TFAP2B: variants seen among roughly 807,000 people sequenced by gnomAD.
The protein encoded by TFAP2B is transcription factor AP-2 beta.
A neutral mutation model predicts 44.3 loss-of-function variants in TFAP2B; 9 were observed. The observed-to-expected ratio is 0.20, with a 90% confidence interval of 0.12 to 0.35. The LOEUF (loss-of-function observed/expected upper bound fraction) is 0.35. Ranked by LOEUF, TFAP2B falls within the 10% of genes least tolerant of loss-of-function variation. The probability of loss-of-function intolerance (pLI) is 1.00; values close to 1 mark genes in which losing one functional copy is unlikely to be tolerated. For synonymous variants in TFAP2B, 270 were observed against 263.8 expected (o/e 1.02, Z -0.23); for missense variants, 509 against 600.0 (o/e 0.85, Z 1.59).
intron 3 of TFAP2B, among the ~76,000 whole-genome samples, chr6:50,828,930 T>A (rs567725762): frequency 3.3e-5 from 5 of 152,318 alleles, no homozygotes; most frequent in African/African-American, 1.2e-4. Flanking sequence ...CATGGCATAT[T>A]TGGTAGCCAT....
upstream of TFAP2B, chr6:50,818,601 A>G (rs1770237976): frequency 7.9e-6 from 3 of 378,048 alleles, no homozygotes; most frequent in Non-Finnish European, 1.5e-5. Context: ...GAGTCTGCAG[A>G]CTGTGTGACC....
At chr6:50,828,573 C>A (rs760011349) in intron 2 of TFAP2B, 46 bp from the exon 3 acceptor site, 18 of 1,548,852 alleles carry the variant, frequency 1.2e-5, no homozygotes, top group Non-Finnish European at 1.6e-5. Context: ...GTGTGCAATT[C>A]TTTAATATCC....
chr6:50,836,091 T>A lies in TFAP2B; in HGVS notation c.632T>A (p.Leu211Gln), dbSNP rs745619003. ...VPVPPKSVTSLMMNKDGFLGG... is the reference protein window; with the variant it reads ...VPVPPKSVTSQMMNKDGFLGG... ...GTTCCTCCCAAATCGGTGACTTCTCTAATGATGAATAAAGACGGCTTCCTG... is the reference window on the plus strand; with the variant it reads ...GTTCCTCCCAAATCGGTGACTTCTCAAATGATGAATAAAGACGGCTTCCTG... Residue 211 changes from leucine to glutamine, a missense_variant, in exon 4 of 7, where the codon CTA (leucine) becomes CAA (glutamine). Physicochemically the swap from Leu to Gln is moderately radical, Grantham distance 113. Around this residue, in one of 3 missense-constraint regions of TFAP2B, gnomAD observed 296 missense variants for 308.2 expected, o/e 0.96. Coordinates refer to ENST00000393655, the MANE Select transcript of TFAP2B (RefSeq NM_003221.4). 8.1e-6 allele frequency: 13 copies of A among 1,614,048 alleles called. 1 individual carries two copies. The South Asian group carries it at 1.3e-4, about 16-fold the overall frequency.
chr6:50,829,713 C>A (rs749950328), intron 3 of TFAP2B, among the ~76,000 whole-genome samples: 2 of 152,150 alleles, frequency 1.3e-5, no homozygotes, highest in Non-Finnish European at 2.9e-5. Context: ...AGAAAAAATT[C>A]TTTGGGAAGT....
intron 1 of TFAP2B, among the ~76,000 whole-genome samples, chr6:50,819,854 A>C (rs371202974): frequency 0.011 from 1,308 of 113,920 alleles, 14 homozygotes; most frequent in African/African-American, 0.041. Flanking sequence ...GCGAGGTGGG[A>C]GAGGCGGGCG....
chr6:50,836,037 T>C, intron 3 of TFAP2B, 24 bp from the exon 4 acceptor site: 11 of 1,599,622 alleles, frequency 6.9e-6, no homozygotes, highest in Non-Finnish European at 9.4e-6. Context: ...GTCACCTTTA[T>C]GGCAATTTTT....
intron 1 of TFAP2B, among the ~76,000 whole-genome samples, chr6:50,820,236 G>C (rs1770301431): frequency 6.6e-6 from 1 of 152,204 alleles, no homozygotes; most frequent in African/African-American, 2.4e-5. Context: ...AGAAAGACAC[G>C]CGACCCCTCC....
chr6:50,827,557 T>G (rs962862757), intron 2 of TFAP2B, among the ~76,000 whole-genome samples: 2 of 152,298 alleles, frequency 1.3e-5, no homozygotes, highest in Non-Finnish European at 2.9e-5. Flanking sequence ...TGAGTCGGTG[T>G]GAGTGCTGTG....
At chr6:50,830,868 G>A (rs1770652935) in intron 3 of TFAP2B, among the ~76,000 whole-genome samples, 1 of 152,124 alleles carries the variant, frequency 6.6e-6, no homozygotes, top group Non-Finnish European at 1.5e-5. Context: ...AAAGAGGTGA[G>A]AAAGTCTTGT....
At chr6:50,840,079 C>A in intron 5 of TFAP2B, 77 bp from the exon 6 acceptor site, 1 of 1,585,464 alleles carries the variant, frequency 6.3e-7, no homozygotes, top group Non-Finnish European at 8.6e-7. Context: ...ACTAACAAAG[C>A]TGACAAGGGA....
chr6:50,826,439 T>C (rs1374117065), intron 2 of TFAP2B, among the ~76,000 whole-genome samples: 4 of 152,106 alleles, frequency 2.6e-5, no homozygotes, highest in African/African-American at 9.7e-5. Context: ...ACCAAATGCT[T>C]CTAATATTTT....
chr6:50,836,319 A>G (rs899619819), intron 4 of TFAP2B, 39 bp downstream of exon 4: 5 of 1,548,482 alleles, frequency 3.2e-6, no homozygotes, highest in Admixed American at 1.7e-5. Flanking sequence ...AAACAAAAAA[A>G]CAAACAAAAA....
rs1762805167 is a variant in TFAP2B, at chr6:50,844,729, G to A, written c.*1337G>A. On this transcript the variant is annotated 3_prime_UTR_variant, in exon 7 of 7. Transcript: ENST00000393655. ...ATTGCCCTGCATTTAAAATTGATTTGATTTCCCTGGGTTCTTTGGTGATTG... is the reference window on the plus strand; with the variant it reads ...ATTGCCCTGCATTTAAAATTGATTTAATTTCCCTGGGTTCTTTGGTGATTG... The A allele has an allele frequency of 6.6e-6, 1 of 152,394 alleles. No individual in the cohort carries two copies. The highest frequency in any genetic ancestry group is 1.5e-5 in the Non-Finnish European group (1 of 68,040). 9.4% of individuals were successfully genotyped at this position (152,394 alleles called of 1,614,324 possible).
rs775363984 is a variant in TFAP2B, at chr6:50,840,262, C to G, written c.1047C>G (p.Asp349Glu). The G allele has an allele frequency of 6.2e-7, 1 of 1,614,098 alleles. No homozygotes were observed. The highest frequency in any genetic ancestry group is 8.5e-7 in the Non-Finnish European group (1 of 1,180,034). The change falls in exon 6 of 7, where the codon GAC becomes GAG. Residue 349 changes from aspartate to glutamate, a missense_variant. Transcript: ENST00000393655. ...ACCGGCAGCACACAGACCCGAGTGA[C>G]CTGCACTCCCGAAAGAATATGCTGT... ...YLNRQHTDPS[D>E]LHSRKNMLLA...
rs890537837 is a variant in TFAP2B at position 50,823,624 on chromosome 6, A to G, written c.299A>G (p.Gln100Arg). The change falls in exon 2 of 7, where the codon CAG becomes CGG. Residue 100 changes from glutamine to arginine, a missense_variant. Physicochemically the swap from Gln to Arg is conservative, Grantham distance 43. Coordinates refer to ENST00000393655, the MANE Select transcript of TFAP2B (RefSeq NM_003221.4). ...NDPYSLNPLH[Q>R]PQQHPWGQRQ... is the part of the protein sequence containing the mutation. The stretch of plus-strand genomic sequence containing the variant: ...CCCTACTCCCTGAACCCACTGCACC[A>G]GCCCCAGCAACATCCCTGGGGGCAA... The G allele has an allele frequency of 6.2e-7, 1 of 1,613,694 alleles. No individual in the cohort carries two copies. Among genetic ancestry groups the G allele is most frequent in the Non-Finnish European group, 8.5e-7 (1 of 1,179,940 alleles).
intron 3 of TFAP2B, among the ~76,000 whole-genome samples, chr6:50,835,846 C>G (rs1367267089): frequency 6.6e-6 from 1 of 152,206 alleles, no homozygotes; most frequent in Non-Finnish European, 1.5e-5. Context: ...ACTCATATGT[C>G]TACACACGAA....
intron 4 of TFAP2B, among the ~76,000 whole-genome samples, chr6:50,836,553 C>T (rs1173650129): frequency 6.6e-6 from 1 of 152,200 alleles, no homozygotes; most frequent in African/African-American, 2.4e-5. Flanking sequence ...CCCTGGGAAC[C>T]TTTCACTTTC....
At position 50,838,104 on chromosome 6, in the gene TFAP2B, C is replaced by G; in HGVS notation, c.940+11C>G. On this transcript the variant is annotated intron_variant, in intron 5 of 6. Coordinates refer to ENST00000393655, the MANE Select transcript of TFAP2B (RefSeq NM_003221.4). The stretch of plus-strand genomic sequence containing the variant: ...CCTCCCTGGTGGAAGGTAAGCAAGA[C>G]GTGTGGCCATTTCACGAAGTGGCTG... 1 of 1,601,458 alleles carries G rather than the reference C, an allele frequency of 6.2e-7. No homozygotes were observed. Among genetic ancestry groups the G allele is most frequent in the Non-Finnish European group, 8.6e-7 (1 of 1,168,516 alleles).
At chr6:50,838,251 C>A (rs945995494) in intron 5 of TFAP2B, among the ~76,000 whole-genome samples, 158 bp downstream of exon 5, 2 of 152,144 alleles carry the variant, frequency 1.3e-5, no homozygotes, top group African/African-American at 4.8e-5. Flanking sequence ...TTCAAAGGTC[C>A]TTTTACTTAG....
Sources: gnomAD v4.1 joint callset for allele counts (sites outside exome capture counted in the v4.1 genomes callset) on GRCh38, gnomAD v4.1.1 for gene constraint, gnomAD v4.1.1 regional missense constraint, MANE v1.5 for transcripts, NCBI Gene and HGNC (gene_info 2026-07-23, HGNC 2026-07-21) for gene names.